Variants in CKM observed in about 807,000 individuals in gnomAD.
CKM encodes creatine kinase, M-type.
Under a neutral mutation model 35.4 loss-of-function variants are expected in CKM, and 28 were observed. The ratio of observed to expected loss-of-function variants is 0.79; its 90% CI spans 0.59 to 1.08. The LOEUF (loss-of-function observed/expected upper bound fraction) is 1.08, where lower values mean the gene tolerates loss of function less well. Among genes scored for constraint, CKM ranks in the 50% least tolerant of loss-of-function variants. The pLI, the probability that CKM is intolerant of heterozygous loss-of-function variation, is 0.00. For synonymous variants in CKM, 215 were observed against 204.4 expected (o/e 1.05, Z -0.44); for missense variants, 484 against 509.8 (o/e 0.95, Z 0.49).
At position 45,315,547 on chromosome 19, in the gene CKM, A is replaced by C. The variant is rs757715560; in HGVS notation, c.399T>G (p.Thr133=). The C allele has an allele frequency of 3.7e-6, 6 of 1,603,116 alleles. No individual in the cohort carries two copies. In the African/African-American group the frequency reaches 8.0e-5, roughly 21 times the overall value. ...ACGTGTAGCCCTTGATGCTGCGGCC[A>C]GTGCGGACGCGGCTGCTGAGCACGT... ...PNYVLSSRVR[T]GRSIKGYTLP... is the part of the protein sequence containing the mutation. Residue 133 remains threonine, a synonymous_variant, in exon 4 of 8, where the codon ACT becomes ACG. Coordinates refer to ENST00000221476, the MANE Select transcript of CKM (RefSeq NM_001824.5).
In CKM at chr19:45,306,961, C is replaced by T. The variant is rs1243197094; in HGVS notation, c.968-33G>A. 2 of 1,610,370 alleles carry T rather than the reference C, an allele frequency of 1.2e-6. No homozygotes were observed. The highest frequency in any genetic ancestry group is 1.7e-5 in the Admixed American group (1 of 60,026). ...AGCAAGGGACAGGGGCGTGAAGAGG[C>T]AGCGAAGGTGCAGAGGGGCTGGGAC... On this transcript the variant is annotated intron_variant, in intron 7 of 7. Transcript: ENST00000221476. This position sits in a 1 kb window ranked among gnomAD's most constrained non-coding sequence, Gnocchi z 4.5.
At chr19:45,320,506 G>C (rs1310442385) in intron 1 of CKM, among the ~76,000 whole-genome samples, 1 of 152,258 alleles carries the variant, frequency 6.6e-6, no homozygotes, top group Non-Finnish European at 1.5e-5. Flanking sequence ...CTGTGTCTCA[G>C]CAGGAAGGCA....
rs35089528 is a variant in CKM at position 45,321,063 on chromosome 19, A to ATTTTTTTTTTT, written c.-18-1343_-18-1333dup. Among the ~76,000 whole-genome samples, 643 of 142,668 alleles carry ATTTTTTTTTTT rather than the reference A, an allele frequency of 4.5e-3. 7 individuals carry two copies. Among genetic ancestry groups the ATTTTTTTTTTT allele is most frequent in the African/African-American group, 0.015 (576 of 38,746 alleles). The allele number at this position is 142,668 out of a possible 152,430, so 93.6% of individuals were successfully genotyped here. On this transcript the variant is annotated intron_variant, in intron 1 of 7. Coordinates refer to ENST00000221476, the MANE Select transcript of CKM (RefSeq NM_001824.5). ...CTACAGGCGTGTGCCACACCTGGCT[A>ATTTTTTTTTTT]TTTTTTTTTTTGGTATTTTTAGTAG...
At chr19:45,308,630 A>T in intron 5 of CKM, 98 bp from the exon 6 acceptor site, 284 of 1,309,276 alleles carry the variant, frequency 2.2e-4, no homozygotes, top group East Asian at 7.0e-4. Context: ...ATGGGGGAAG[A>T]GGGCCTGAGG....
At chr19:45,316,200 C>A (rs13345562) in intron 3 of CKM, among the ~76,000 whole-genome samples, 1 of 151,496 alleles carries the variant, frequency 6.6e-6, no homozygotes, top group South Asian at 2.1e-4. Context: ...CGTGGTGGTG[C>A]GCGCCTGTAA....
Position 45,306,906 on chromosome 19 carries a change from C to T in CKM, c.990G>A (p.Val330=). 1 of 1,613,992 alleles carries T rather than the reference C, an allele frequency of 6.2e-7. No homozygotes were observed. The highest frequency in any genetic ancestry group is 8.5e-7 in the Non-Finnish European group (1 of 1,180,038). The part of the protein sequence containing the change: ...RGTGGVDTAA[V]GSVFDVSNAD... ...CGTTGGACACGTCAAATACTGAGCC[C>T]ACGGCAGCTGTGTCCACGCCACCTG... The change falls in exon 8 of 8, where the codon GTG becomes GTA. Residue 330 remains valine, a synonymous_variant. Coordinates refer to ENST00000221476, the MANE Select transcript of CKM (RefSeq NM_001824.5). This position sits in a 1 kb window ranked among gnomAD's most constrained non-coding sequence, Gnocchi z 4.5.
intron 2 of CKM, among the ~76,000 whole-genome samples, chr19:45,318,488 G>A (rs926340746): frequency 6.6e-6 from 1 of 151,956 alleles, no homozygotes; most frequent in Non-Finnish European, 1.5e-5. Flanking sequence ...AGGTGGCTGG[G>A]AGGGGTCAAG....
At position 45,311,782 on chromosome 19, in the gene CKM, A is replaced by G; in HGVS notation, c.620T>C (p.Met207Thr). 6.2e-7 allele frequency: 1 copy of G among 1,603,466 alleles called. No homozygotes were observed. Among genetic ancestry groups the G allele is most frequent in the Non-Finnish European group, 8.5e-7 (1 of 1,175,196 alleles). The change falls in exon 5 of 8, where the codon ATG becomes ACG. Residue 207 changes from methionine to threonine, a missense_variant. Coordinates refer to ENST00000221476, the MANE Select transcript of CKM (RefSeq NM_001824.5). ...PVSPLLLASG[M>T]ARDWPDARGI... ...ACGGGCGTCGGGCCAGTCGCGGGCCATGCCTGAGGCCAGCAGCAGCGGGGA... is the reference window on the plus strand; with the variant it reads ...ACGGGCGTCGGGCCAGTCGCGGGCCGTGCCTGAGGCCAGCAGCAGCGGGGA...
At chr19:45,316,355 G>A (rs959402226) in intron 3 of CKM, among the ~76,000 whole-genome samples, 1 of 151,472 alleles carries the variant, frequency 6.6e-6, no homozygotes, top group Non-Finnish European at 1.5e-5. Context: ...ATAGAGACAG[G>A]GTGTCACTAT....
chr19:45,312,444 C>T (rs1400456818), intron 4 of CKM, among the ~76,000 whole-genome samples: 20 of 148,448 alleles, frequency 1.3e-4, no homozygotes, highest in African/African-American at 4.0e-4. Context: ...TTTTATGAGA[C>T]GGAGTTTTGC....
In CKM at chr19:45,319,443, G is replaced by A. The variant is rs635921; in HGVS notation, c.193+78C>T. ...AAACTGAGGCCCCCCCCCCTTCAAG[G>A]GTGGTGGGATTGGGGCATGGCCGGC... On this transcript the variant is annotated intron_variant, in intron 2 of 7. Transcript: ENST00000221476. 1.9e-3 allele frequency: 2,214 copies of A among 1,155,036 alleles called. 29 individuals carry two copies. The African/African-American group carries it at 0.029, about 15-fold the overall frequency. 71.5% of individuals were successfully genotyped at this position (1,155,036 alleles called of 1,614,324 possible).
intron 6 of CKM, among the ~76,000 whole-genome samples, chr19:45,307,866 G>GTTTTT (rs34729831): frequency 8.1e-6 from 1 of 124,180 alleles, no homozygotes; most frequent in Non-Finnish European, 1.7e-5. Context: ...TTGAAGGCGG[G>GTTTTT]TTTTTTTTTT....
chr19:45,315,186 C>T (rs1183303200), intron 4 of CKM, among the ~76,000 whole-genome samples: 2 of 152,146 alleles, frequency 1.3e-5, no homozygotes, highest in Non-Finnish European at 2.9e-5. Context: ...GGGCAAGAAC[C>T]CCTGGAAATG....
intron 4 of CKM, among the ~76,000 whole-genome samples, chr19:45,314,478 A>T (rs1971139093): frequency 6.6e-6 from 1 of 151,818 alleles, no homozygotes; most frequent in African/African-American, 2.4e-5. Context: ...CAGTGGCGTG[A>T]TCTCAGCTCA....
chr19:45,322,622 G>T (rs1455156436), intron 1 of CKM, among the ~76,000 whole-genome samples, 199 bp downstream of exon 1: 5 of 152,276 alleles, frequency 3.3e-5, no homozygotes, highest in Admixed American at 6.5e-5. Flanking sequence ...GGTCCCAGTG[G>T]GGGGTTCAGG....
At chr19:45,318,650 C>T (rs538448572) in intron 2 of CKM, among the ~76,000 whole-genome samples, 1 of 152,132 alleles carries the variant, frequency 6.6e-6, no homozygotes, top group South Asian at 2.1e-4. Context: ...AGGCTACCAC[C>T]GTACCACAGA....
intron 2 of CKM, 90 bp downstream of exon 2, chr19:45,319,431 C>CT (rs1971190155): frequency 2.0e-6 from 2 of 1,008,888 alleles, no homozygotes. Context: ...CTGAGGCCCC[C>CT]CCCCCTTCAA....
At chr19:45,315,182 G>A (rs982354447) in intron 4 of CKM, among the ~76,000 whole-genome samples, 3 of 152,192 alleles carry the variant, frequency 2.0e-5, no homozygotes, top group Admixed American at 6.5e-5. Context: ...CACAGGGCAA[G>A]AACCCCTGGA....
intron 1 of CKM, among the ~76,000 whole-genome samples, chr19:45,320,496 C>A (rs186943126): frequency 2.0e-5 from 3 of 152,366 alleles, no homozygotes; most frequent in African/African-American, 7.2e-5. Flanking sequence ...CTCTGAGCCC[C>A]TGTGTCTCAG....
Sources: allele counts gnomAD v4.1 joint callset (sites outside exome capture counted in the v4.1 genomes callset), GRCh38; gene constraint gnomAD v4.1.1; non-coding constraint Gnocchi (gnomAD v3.1); transcripts MANE v1.5; gene names NCBI Gene and HGNC (gene_info 2026-07-23, HGNC 2026-07-21).